Variants in RPA3 observed in about 807,000 individuals in gnomAD.
RPA3 encodes replication protein A3.
A neutral mutation model predicts 13.7 loss-of-function variants in RPA3; 24 were observed. The observed-to-expected ratio is 1.75, with a 90% CI of 1.27 to 2.46. The LOEUF (loss-of-function observed/expected upper bound fraction) is 2.46, where lower values mean the gene tolerates loss of function less well. Ranked by LOEUF, RPA3 falls within the 30% of genes most tolerant of loss-of-function variation. RPA3 has a pLI of 0.00. For missense variants in RPA3, 183 were observed against 151.0 expected, an observed-to-expected ratio of 1.21 and a Z score of -1.11; for synonymous variants, 59 against 51.2, an observed-to-expected ratio of 1.15 and a Z score of -0.65.
rs28915971 is a variant in RPA3 at position 7,684,689 on chromosome 7, C to T, written c.-758+1141G>A. ...TTATACAATGTGAATTCCAACTGAT[C>T]TATGACTCTTTCTGGCTTTAGCCAT... is the stretch of plus-strand genomic sequence containing the variant. On this transcript the variant is annotated intron_variant, in intron 4 of 7. Transcript: ENST00000223129. Among the ~76,000 whole-genome samples the T allele has an allele frequency of 1.9e-4, 29 of 152,336 alleles. No individual in the cohort carries two copies. In the East Asian group the frequency reaches 5.2e-3, roughly 27 times the overall value.
intron 4 of RPA3, among the ~76,000 whole-genome samples, chr7:7,682,707 T>C (rs558743700): frequency 1.3e-5 from 2 of 152,346 alleles, no homozygotes; most frequent in African/African-American, 4.8e-5. Context: ...GATTAAAAAG[T>C]AACTTACCCT....
intron 4 of RPA3, among the ~76,000 whole-genome samples, chr7:7,681,509 A>G (rs367795355): frequency 9.2e-5 from 14 of 152,296 alleles, no homozygotes; most frequent in East Asian, 7.7e-4. Context: ...GGTGCCGAAT[A>G]AGAATAAGGG....
In RPA3 at chr7:7,703,174, C is replaced by T. The variant is rs1780506256; in HGVS notation, c.-1028+12001G>A. On this transcript the variant is annotated intron_variant, in intron 2 of 7. Coordinates refer to ENST00000223129, the MANE Select transcript of RPA3 (RefSeq NM_002947.5). ...TTTGCCGAAAATAATTACTGGTGCC[C>T]ACTAAAATGGTGATTAAAATCCACT... 2.0e-5 allele frequency among the ~76,000 whole-genome samples: 3 copies of T among 152,140 alleles called. No individual in the cohort carries two copies. In the South Asian group the frequency reaches 6.2e-4, roughly 32 times the overall value.
intron 4 of RPA3, among the ~76,000 whole-genome samples, chr7:7,647,698 CCTGAG>C (rs1785127683): frequency 6.6e-6 from 1 of 152,146 alleles, no homozygotes; most frequent in Non-Finnish European, 1.5e-5. Flanking sequence ...GCCTTGAACT[CCTGAG>C]CTCAAGGCTC....
intron 4 of RPA3, among the ~76,000 whole-genome samples, chr7:7,647,218 A>G (rs906716403): frequency 6.6e-6 from 1 of 152,158 alleles, no homozygotes; most frequent in African/African-American, 2.4e-5. Flanking sequence ...GGTATTTTCT[A>G]GTTTTCAGCA....
At position 7,639,084 on chromosome 7, in the gene RPA3, C is replaced by T. The variant is rs1279111309; in HGVS notation, c.160G>A (p.Glu54Lys). 2 of 1,612,190 alleles carry T rather than the reference C, an allele frequency of 1.2e-6. No individual in the cohort carries two copies. Among genetic ancestry groups the T allele is most frequent in the South Asian group, 2.2e-5 (2 of 90,556 alleles). The change falls in exon 6 of 8, where the codon GAG becomes AAG. Residue 54 changes from glutamate to lysine, a missense_variant. By Grantham distance (56) the Glu-to-Lys change is moderately conservative. Transcript: ENST00000223129. The part of the protein sequence containing the change: ...SDGEGKNGTI[E>K]LMEPLDEEIS... Reference sequence around the variant, plus strand: ...CTTAAACATACGGGTTCCATCAACTCGATGGTTCCATTTTTTCCTTCTCCA... The same window carrying T: ...CTTAAACATACGGGTTCCATCAACTTGATGGTTCCATTTTTTCCTTCTCCA...
intron 6 of RPA3, chr7:7,638,699 A>C: frequency 1.9e-5 from 3 of 159,446 alleles, no homozygotes; most frequent in Non-Finnish European, 4.1e-5. Flanking sequence ...ACTGCATTCC[A>C]CCCGGGGTAA....
intron 4 of RPA3, among the ~76,000 whole-genome samples, chr7:7,683,170 C>T (rs1019090410): frequency 3.3e-5 from 5 of 152,140 alleles, no homozygotes; most frequent in South Asian, 2.1e-4. Flanking sequence ...TCATTTTTTT[C>T]GGGGACTCAG....
chr7:7,675,830 C>G (rs754236699), intron 4 of RPA3, among the ~76,000 whole-genome samples: 10 of 152,110 alleles, frequency 6.6e-5, no homozygotes, highest in Admixed American at 6.6e-4. Flanking sequence ...TTCAAATGAC[C>G]CAAACAAATC....
chr7:7,675,104 A>G (rs746386542), intron 4 of RPA3, among the ~76,000 whole-genome samples: 12 of 152,236 alleles, frequency 7.9e-5, no homozygotes, highest in South Asian at 6.2e-4. Context: ...GCCTCAAGCA[A>G]TCTTCCTGCC....
chr7:7,705,482 G>A (rs889242001), intron 2 of RPA3, among the ~76,000 whole-genome samples: 4 of 152,178 alleles, frequency 2.6e-5, no homozygotes, highest in African/African-American at 9.6e-5. Context: ...TGCACCCAGT[G>A]TTTATATTCA....
chr7:7,665,028 C>G (rs1038169478), intron 4 of RPA3, among the ~76,000 whole-genome samples: 19 of 152,196 alleles, frequency 1.2e-4, no homozygotes, highest in African/African-American at 3.6e-4. Context: ...CACACACACA[C>G]ATTCATACAC....
chr7:7,673,343 CAGCAGCAG>C, intron 4 of RPA3: 1 of 1,267,656 alleles, frequency 7.9e-7, no homozygotes, highest in Non-Finnish European at 1.1e-6. Context: ...GCAGCAGCAG[CAGCAGCAG>C]CAGCAGCAGC....
At chr7:7,655,836 TC>T (rs373957417) in intron 4 of RPA3, among the ~76,000 whole-genome samples, 12 of 151,960 alleles carry the variant, frequency 7.9e-5, no homozygotes, top group African/African-American at 2.4e-4. Context: ...TCTCTCTCTC[TC>T]TTTGTTTTTG....
At chr7:7,658,002 T>C (rs1400550072) in intron 4 of RPA3, among the ~76,000 whole-genome samples, 4 of 152,230 alleles carry the variant, frequency 2.6e-5, no homozygotes, top group African/African-American at 9.6e-5. Flanking sequence ...CAGTGGTTTA[T>C]AATTCTTCTT....
intron 4 of RPA3, among the ~76,000 whole-genome samples, chr7:7,644,051 C>G (rs1785039099): frequency 6.6e-6 from 1 of 152,168 alleles, no homozygotes; most frequent in African/African-American, 2.4e-5. Flanking sequence ...TACCAGTTTA[C>G]TCTCTTACCT....
Position 7,642,718 on chromosome 7 carries a change from G to A in RPA3, c.-757-1543C>T, listed in dbSNP as rs1785002314. Among the ~76,000 whole-genome samples the A allele has an allele frequency of 2.0e-5, 3 of 152,126 alleles. 1 individual carries two copies. The South Asian group carries it at 6.2e-4, about 31-fold the overall frequency. On this transcript the variant is annotated intron_variant, in intron 4 of 7. Transcript: ENST00000223129. ...GAGAGAAATGAAATGAATCCATGGGGCCTGTCATTCAGCTGAAGAAATGGA... is the reference window on the plus strand; with the variant it reads ...GAGAGAAATGAAATGAATCCATGGGACCTGTCATTCAGCTGAAGAAATGGA...
At chr7:7,663,929 A>G (rs1474812881) in intron 4 of RPA3, among the ~76,000 whole-genome samples, 1 of 152,204 alleles carries the variant, frequency 6.6e-6, no homozygotes, top group Non-Finnish European at 1.5e-5. Flanking sequence ...TAGCCAGGAA[A>G]TCTACTGAAT....
chr7:7,681,415 A>G (rs755487533), intron 4 of RPA3, among the ~76,000 whole-genome samples: 6 of 152,154 alleles, frequency 3.9e-5, no homozygotes, highest in Non-Finnish European at 7.4e-5. Flanking sequence ...TGGGCTGTTC[A>G]TATACAGTTA....
Sources: allele counts gnomAD v4.1 joint callset (sites outside exome capture counted in the v4.1 genomes callset), GRCh38; gene constraint gnomAD v4.1.1; transcripts MANE v1.5; gene names NCBI Gene and HGNC (gene_info 2026-07-23, HGNC 2026-07-21).